Variants in DPP10 observed in about 807,000 individuals in gnomAD.
The protein encoded by DPP10 is dipeptidyl peptidase like 10, also known as inactive dipeptidyl peptidase 10.
In DPP10, 33 loss-of-function variants were observed where a neutral mutation model predicts 120.9. The observed-to-expected ratio is 0.27, with a 90% confidence interval of 0.21 to 0.37. The LOEUF (loss-of-function observed/expected upper bound fraction) is 0.37. Ranked by LOEUF, DPP10 falls within the 10% of genes least tolerant of loss-of-function variation. The pLI, the probability that DPP10 is intolerant of heterozygous loss-of-function variation, is 1.00. For synonymous variants in DPP10, 337 were observed against 326.1 expected (o/e 1.03, Z -0.36); for missense variants, 816 against 942.8 (o/e 0.87, Z 1.76).
intron 1 of DPP10, among the ~76,000 whole-genome samples, chr2:115,221,362 T>G (rs1438580513): frequency 6.6e-6 from 1 of 152,178 alleles, no homozygotes; most frequent in Non-Finnish European, 1.5e-5. Context: ...AATTCAGGTT[T>G]GTTGCTTTTG....
At chr2:115,199,603 C>T (rs1303390838) in intron 1 of DPP10, among the ~76,000 whole-genome samples, 1 of 151,982 alleles carries the variant, frequency 6.6e-6, no homozygotes, top group Non-Finnish European at 1.5e-5. Context: ...AATAACATAC[C>T]TACTTACCAA....
chr2:114,580,757 C>T lies in DPP10; in HGVS notation c.60+137919C>T, dbSNP rs147854459. Reference sequence around the variant, plus strand: ...TTTTTTCGGAGACCTCCAACAACTTCCCACTTAAATTATAGGAAGAACAAA... The same window carrying T: ...TTTTTTCGGAGACCTCCAACAACTTTCCACTTAAATTATAGGAAGAACAAA... On this transcript the variant is annotated intron_variant, in intron 1 of 25. Coordinates refer to ENST00000410059, the MANE Select transcript of DPP10 (RefSeq NM_020868.6). Among the ~76,000 whole-genome samples the T allele has an allele frequency of 4.4e-3, 646 of 147,416 alleles. 1 individual carries two copies. The highest frequency in any genetic ancestry group is 6.3e-3 in the Non-Finnish European group (421 of 67,200).
chr2:115,422,693 A>C (rs941811508), intron 3 of DPP10, among the ~76,000 whole-genome samples: 3 of 152,196 alleles, frequency 2.0e-5, no homozygotes, highest in Admixed American at 2.0e-4. Context: ...ATTGAGAACA[A>C]AGAGAAAAAA....
intron 1 of DPP10, among the ~76,000 whole-genome samples, chr2:115,062,409 T>C (rs4614940): frequency 0.15 from 22,270 of 152,214 alleles, 1,738 homozygotes; most frequent in African/African-American, 0.21. Flanking sequence ...GATACATGTG[T>C]AGAATGTGCA....
intron 21 of DPP10, among the ~76,000 whole-genome samples, chr2:115,835,526 G>A (rs1689394276): frequency 6.6e-6 from 1 of 152,070 alleles, no homozygotes; most frequent in South Asian, 2.1e-4. Flanking sequence ...TTACACAAGG[G>A]AAACTTCCAG....
chr2:115,626,100 T>C (rs1294467381), intron 5 of DPP10, among the ~76,000 whole-genome samples: 3 of 149,594 alleles, frequency 2.0e-5, no homozygotes, highest in African/African-American at 4.9e-5. Flanking sequence ...CTCTGTAGAG[T>C]AGGTGAAAAT....
intron 1 of DPP10, among the ~76,000 whole-genome samples, chr2:115,080,699 G>A (rs770057470): frequency 2.6e-5 from 4 of 152,058 alleles, no homozygotes; most frequent in East Asian, 1.9e-4. Flanking sequence ...AGTGCAGATC[G>A]TGTATTTTTT....
At chr2:115,342,326 C>T (rs555822785) in intron 2 of DPP10, 29 of 266,998 alleles carry the variant, frequency 1.1e-4, no homozygotes, top group South Asian at 8.5e-4. Flanking sequence ...CCCACCTCAG[C>T]CTCGCAAGTA....
chr2:115,407,475 C>A (rs1032816259), intron 3 of DPP10, among the ~76,000 whole-genome samples: 1 of 152,138 alleles, frequency 6.6e-6, no homozygotes, highest in Non-Finnish European at 1.5e-5. Context: ...CCAATCTAAG[C>A]GTTCCTGGCA....
chr2:115,384,340 C>T (rs1347916512), intron 3 of DPP10, among the ~76,000 whole-genome samples: 1 of 151,706 alleles, frequency 6.6e-6, no homozygotes, highest in African/African-American at 2.4e-5. Flanking sequence ...CATGACTGCA[C>T]TCCAGCCTAG....
chr2:115,449,160 T>C (rs1329722510), intron 3 of DPP10, among the ~76,000 whole-genome samples: 2 of 152,282 alleles, frequency 1.3e-5, no homozygotes, highest in East Asian at 1.9e-4. Flanking sequence ...AAAAAAATTG[T>C]ACATTTTTAA....
chr2:115,703,293 A>G (rs540844217), intron 7 of DPP10, among the ~76,000 whole-genome samples: 2 of 151,994 alleles, frequency 1.3e-5, no homozygotes. Context: ...CAAATGAAAG[A>G]TGGTCATAAC....
chr2:114,737,746 TC>T (rs1275821579), intron 1 of DPP10, among the ~76,000 whole-genome samples: 1 of 152,188 alleles, frequency 6.6e-6, no homozygotes, highest in Non-Finnish European at 1.5e-5. Context: ...CTCAGTTCTG[TC>T]AAGGTTTAGC....
chr2:115,137,560 T>C (rs376853196), intron 1 of DPP10, among the ~76,000 whole-genome samples: 2 of 152,202 alleles, frequency 1.3e-5, no homozygotes, highest in African/African-American at 4.8e-5. Context: ...TTAGGCTGGA[T>C]ACCTAGGAAT....
intron 5 of DPP10, among the ~76,000 whole-genome samples, chr2:115,541,335 A>C (rs1220669559): frequency 6.6e-6 from 1 of 151,776 alleles, no homozygotes; most frequent in Admixed American, 6.6e-5. Flanking sequence ...CCTTGCCCTT[A>C]AAACTGTGGC....
chr2:114,630,835 A>ACCCCT (rs1694867900), intron 1 of DPP10, among the ~76,000 whole-genome samples: 1 of 151,768 alleles, frequency 6.6e-6, no homozygotes, highest in Admixed American at 6.6e-5. Flanking sequence ...TCTGGTCCCC[A>ACCCCT]CCCCTCCCTA....
At chr2:115,609,553 A>C (rs900505934) in intron 5 of DPP10, among the ~76,000 whole-genome samples, 1 of 152,062 alleles carries the variant, frequency 6.6e-6, no homozygotes, top group African/African-American at 2.4e-5. Context: ...AGCTAAAAAT[A>C]AGTGTAAATA....
chr2:115,119,403 G>T (rs186153350), intron 1 of DPP10, among the ~76,000 whole-genome samples: 1 of 152,276 alleles, frequency 6.6e-6, no homozygotes, highest in African/African-American at 2.4e-5. Flanking sequence ...TATTGTTTTA[G>T]CAAGACAGAT....
intron 1 of DPP10, among the ~76,000 whole-genome samples, chr2:115,252,309 C>T (rs763304185): frequency 4.6e-5 from 7 of 152,142 alleles, no homozygotes; most frequent in Admixed American, 6.5e-5. Context: ...TCCCTTCAAC[C>T]TTGCTGTGGG....
Sources: allele counts gnomAD v4.1 joint callset (sites outside exome capture counted in the v4.1 genomes callset), GRCh38; gene constraint gnomAD v4.1.1; transcripts MANE v1.5; gene names NCBI Gene and HGNC (gene_info 2026-07-23, HGNC 2026-07-21).